The following PRLHR variants were observed in gnomAD, a reference collection of about 807,000 sequenced individuals.
PRLHR encodes the protein prolactin-releasing peptide receptor.
PRLHR carries 10 observed loss-of-function variants against 9.3 expected under a neutral mutation model. That is an observed-to-expected ratio of 1.08 (90% confidence interval 0.66 to 1.82). PRLHR has a LOEUF of 1.82. Among genes scored for constraint, PRLHR ranks in the 40% most tolerant of loss-of-function variants. The probability of loss-of-function intolerance (pLI) is 0.00; values close to 1 mark genes in which losing one functional copy is unlikely to be tolerated. For synonymous variants in PRLHR, 261 were observed against 249.3 expected (o/e 1.05, Z -0.44); for missense variants, 589 against 512.0 (o/e 1.15, Z -1.45).
At position 118,594,991 on chromosome 10, in the gene PRLHR, A is replaced by G; in HGVS notation, c.254T>C (p.Ile85Thr). Residue 85 changes from isoleucine (I) to threonine (T), a missense_variant, in exon 2 of 2, where the codon ATC (isoleucine) becomes ACC (threonine). By Grantham distance (89) the Ile-to-Thr change is moderately conservative. Transcript: ENST00000239032. ...LVGNCLLVLV[I>T]ARVRRLHNVT... ...GTTGTGCAGCCGGCGCACCCGCGCG[A>G]TCACCAGCACCAGCAGGCAGTTGCC... 1 of 1,613,436 alleles carries G rather than the reference A, an allele frequency of 6.2e-7. No individual in the cohort carries two copies. The highest frequency in any genetic ancestry group is 8.5e-7 in the Non-Finnish European group (1 of 1,179,792).
rs541480278 is a variant in PRLHR at position 118,595,583 on chromosome 10, C to T, written c.-74G>A. ...AAGGGGCAGAATTTCTGCTGGCCCT[C>T]GGTAGTCCTCTGCCCACGTCGGTGA... is the stretch of plus-strand genomic sequence containing the variant. On this transcript the variant is annotated 5_prime_UTR_variant, in exon 1 of 2. Transcript: ENST00000239032. 5 of 213,516 alleles carry T rather than the reference C, an allele frequency of 2.3e-5. No homozygotes were observed. Among genetic ancestry groups the T allele is most frequent in the African/African-American group, 6.8e-5 (3 of 43,816 alleles). The allele number at this position is 213,516 out of a possible 1,614,324, so 13.2% of individuals were successfully genotyped here. A position where few individuals can be genotyped will look rare whatever the true frequency, so the allele number is the denominator to read the frequency against.
chr10:118,592,984 GTGATGAT>G lies in PRLHR; in HGVS notation c.*1141_*1147del, dbSNP rs1318967217. The G allele has an allele frequency of 6.6e-6, 1 of 152,186 alleles. No homozygotes were observed. Among genetic ancestry groups the G allele is most frequent in the African/African-American group, 2.4e-5 (1 of 41,436 alleles). 9.4% of individuals were successfully genotyped at this position (152,186 alleles called of 1,614,324 possible). Reference sequence around the variant, plus strand: ...TTTACAGAACTCACAGGAGGTTAAGGTGATGATTATCAGCCTGGTATCATGCTCCACA... The same window carrying G: ...TTTACAGAACTCACAGGAGGTTAAGGTATCAGCCTGGTATCATGCTCCACA... On this transcript the variant is annotated 3_prime_UTR_variant, in exon 2 of 2. Coordinates refer to ENST00000239032, the MANE Select transcript of PRLHR (RefSeq NM_004248.3).
rs1202384060 is a variant in PRLHR at position 118,595,054 on chromosome 10, A to G, written c.191T>C (p.Val64Ala). The change falls in exon 2 of 2, where the codon GTG becomes GCG. Residue 64 changes from valine (V) to alanine (A), a missense_variant. Transcript: ENST00000239032. ...GACCACCACGACGCTGTAGAGCAGC[A>G]CGATCAGCCCCTTCAGCTGATGCAC... The part of the protein sequence containing the change: ...QLVHQLKGLI[V>A]LLYSVVVVVG... 6.2e-7 allele frequency: 1 copy of G among 1,608,220 alleles called. No homozygotes were observed. The highest frequency in any genetic ancestry group is 1.1e-5 in the South Asian group (1 of 90,532).
In PRLHR at chr10:118,594,412, C is replaced by T; in HGVS notation, c.833G>A (p.Cys278Tyr). The T allele has an allele frequency of 1.2e-6, 2 of 1,600,424 alleles. No homozygotes were observed. The highest frequency in any genetic ancestry group is 1.7e-6 in the Non-Finnish European group (2 of 1,179,638). ...WDRARRRRTF[C>Y]LLVVIVVVFA... ...CACCACCACGATCACCACCAGCAAG[C>T]AGAAGGTGCGCCGGCGCCGAGCGCG... Residue 278 changes from cysteine to tyrosine, a missense_variant, in exon 2 of 2, where the codon TGC (cysteine) becomes TAC (tyrosine). Coordinates refer to ENST00000239032, the MANE Select transcript of PRLHR (RefSeq NM_004248.3).
chr10:118,593,681 G>C lies in PRLHR; in HGVS notation c.*451C>G, dbSNP rs147450904. On this transcript the variant is annotated 3_prime_UTR_variant, in exon 2 of 2. Coordinates refer to ENST00000239032, the MANE Select transcript of PRLHR (RefSeq NM_004248.3). Reference sequence around the variant, plus strand: ...TTCAAATGGACTAAGCAATATCATGGTACTCTCAGCTGGGTCCTTTTTCTA... The same window carrying C: ...TTCAAATGGACTAAGCAATATCATGCTACTCTCAGCTGGGTCCTTTTTCTA... 1 of 153,118 alleles carries C rather than the reference G, an allele frequency of 6.5e-6. No homozygotes were observed. The highest frequency in any genetic ancestry group is 1.9e-4 in the East Asian group (1 of 5,208). The allele number at this position is 153,118 out of a possible 1,614,324, so 9.5% of individuals were successfully genotyped here. A position where few individuals can be genotyped will look rare whatever the true frequency, so the allele number is the denominator to read the frequency against.
chr10:118,595,132 G>C lies in PRLHR; in HGVS notation c.113C>G (p.Ser38Trp), dbSNP rs752691503. 3.8e-6 allele frequency: 6 copies of C among 1,599,764 alleles called. No homozygotes were observed. Among genetic ancestry groups the C allele is most frequent in the Non-Finnish European group, 5.1e-6 (6 of 1,175,880 alleles). ...QSAEASAGNG[S>W]VAGADAPAVT... is the part of the protein sequence containing the mutation. ...GGCTGGAGCGTCCGCGCCAGCCACC[G>C]ACCCGTTGCCCGCCGAGGCCTCTGC... The change falls in exon 2 of 2, where the codon TCG becomes TGG. Residue 38 changes from serine (S) to tryptophan (W), a missense_variant. By Grantham distance (177) the Ser-to-Trp change is radical (BLOSUM62 -3). Coordinates refer to ENST00000239032, the MANE Select transcript of PRLHR (RefSeq NM_004248.3).
intron 1 of PRLHR, 69 bp downstream of exon 1, chr10:118,595,447 T>C (rs750102120): frequency 6.6e-5 from 30 of 451,802 alleles, no homozygotes; most frequent in East Asian, 9.8e-5. Context: ...ATACGGTTTA[T>C]TTAAACGCTT....
At position 118,592,152 on chromosome 10, in the gene PRLHR, A is replaced by G. The variant is rs1157280769; in HGVS notation, c.*1980T>C. Reference sequence around the variant, plus strand: ...TTACAAAAAGAAAAAAAAGTTCCCCAGGTGATTCTAGGAGCAGCCAGGGTT... The same window carrying G: ...TTACAAAAAGAAAAAAAAGTTCCCCGGGTGATTCTAGGAGCAGCCAGGGTT... On this transcript the variant is annotated 3_prime_UTR_variant, in exon 2 of 2. Coordinates refer to ENST00000239032, the MANE Select transcript of PRLHR (RefSeq NM_004248.3). The G allele has an allele frequency of 1.3e-5, 2 of 151,136 alleles. No homozygotes were observed. The highest frequency in any genetic ancestry group is 2.1e-4 in the South Asian group (1 of 4,812). The allele number at this position is 151,136 out of a possible 1,614,324, so 9.4% of individuals were successfully genotyped here.
At position 118,593,794 on chromosome 10, in the gene PRLHR, G is replaced by C. The variant is rs1237358549; in HGVS notation, c.*338C>G. ...CATTTCACCAACGAGCAGGAGGAGGGGACGCCAGGAAGGCAATCGTGGTTC... is the reference window on the plus strand; with the variant it reads ...CATTTCACCAACGAGCAGGAGGAGGCGACGCCAGGAAGGCAATCGTGGTTC... On this transcript the variant is annotated 3_prime_UTR_variant, in exon 2 of 2. Coordinates refer to ENST00000239032, the MANE Select transcript of PRLHR (RefSeq NM_004248.3). 1 of 187,538 alleles carries C rather than the reference G, an allele frequency of 5.3e-6. No homozygotes were observed. Among genetic ancestry groups the C allele is most frequent in the Admixed American group, 6.0e-5 (1 of 16,700 alleles). 11.6% of individuals were successfully genotyped at this position (187,538 alleles called of 1,614,324 possible).
rs997802322 is a variant in PRLHR, at chr10:118,592,390, G to A, written c.*1742C>T. ...CCAGTCCTCGGGATGCCTGGGAGAT[G>A]AGCTTATCTGGGGCAGGGGTGGGTT... On this transcript the variant is annotated 3_prime_UTR_variant, in exon 2 of 2. Transcript: ENST00000239032. 1.3e-5 allele frequency: 2 copies of A among 152,260 alleles called. No homozygotes were observed. The highest frequency in any genetic ancestry group is 2.4e-5 in the African/African-American group (1 of 41,456). 9.4% of individuals were successfully genotyped at this position (152,260 alleles called of 1,614,324 possible). A position where few individuals can be genotyped will look rare whatever the true frequency, so the allele number is the denominator to read the frequency against.
chr10:118,594,746 G>A lies in PRLHR; in HGVS notation c.499C>T (p.Leu167=), dbSNP rs1233808221. ...AGGCGCAGCGAGATGCGCCGCCTCA[G>A]CGGGTGCACCAGCACGACGTAGCGG... is the stretch of plus-strand genomic sequence containing the variant. ...VDRYVVLVHP[L]RRRISLRLSA... Residue 167 remains leucine, a synonymous_variant, in exon 2 of 2, where the codon CTG becomes TTG. Transcript: ENST00000239032. The A allele has an allele frequency of 1.2e-6, 2 of 1,607,980 alleles. No individual in the cohort carries two copies. Among genetic ancestry groups the A allele is most frequent in the Non-Finnish European group, 1.7e-6 (2 of 1,178,834 alleles).
chr10:118,593,176 G>A lies in PRLHR; in HGVS notation c.*956C>T, dbSNP rs1589783708. On this transcript the variant is annotated 3_prime_UTR_variant, in exon 2 of 2. Transcript: ENST00000239032. ...AGAATCACTACAGAGCAGGTGCTGA[G>A]CAGTCAGATGACAGCTGTTGATCTG... is the stretch of plus-strand genomic sequence containing the variant. 1 of 152,272 alleles carries A rather than the reference G, an allele frequency of 6.6e-6. No individual in the cohort carries two copies. The highest frequency in any genetic ancestry group is 1.9e-4 in the East Asian group (1 of 5,206). The allele number at this position is 152,272 out of a possible 1,614,324, so 9.4% of individuals were successfully genotyped here.
intron 1 of PRLHR, 119 bp downstream of exon 1, chr10:118,595,397 C>T (rs557015190): frequency 3.1e-6 from 2 of 649,194 alleles, no homozygotes; most frequent in South Asian, 5.0e-5. Flanking sequence ...AAAGTGTTGT[C>T]CTCTCACCTC....
At position 118,591,367 on chromosome 10, in the gene PRLHR, G is replaced by A. The variant is rs1202727063; in HGVS notation, c.*2765C>T. 6.6e-6 allele frequency: 1 copy of A among 152,054 alleles called. No homozygotes were observed. The highest frequency in any genetic ancestry group is 1.5e-5 in the Non-Finnish European group (1 of 68,022). The allele number at this position is 152,054 out of a possible 1,614,324, so 9.4% of individuals were successfully genotyped here. On this transcript the variant is annotated 3_prime_UTR_variant, in exon 2 of 2. Transcript: ENST00000239032. ...TCCCTCTTCGGTCTCCCAAAGTTTT[G>A]GAATTATAGATGTGAGCCATGGTAC...
rs1448556942 is a variant in PRLHR, at chr10:118,594,888, G to A, written c.357C>T (p.Ala119=). ...MCTACVPLTL[A]YAFEPRGWVF... ...CCCAGCCGCGTGGCTCGAAGGCATA[G>A]GCCAGCGTGAGCGGCACGCAGGCGG... The change falls in exon 2 of 2, where the codon GCC becomes GCT. Residue 119 remains alanine, a synonymous_variant. Transcript: ENST00000239032. 2 of 1,613,440 alleles carry A rather than the reference G, an allele frequency of 1.2e-6. No homozygotes were observed. Among genetic ancestry groups the A allele is most frequent in the Non-Finnish European group, 1.7e-6 (2 of 1,179,882 alleles).
Position 118,590,701 on chromosome 10 carries a change from A to G in PRLHR, c.*3431T>C, listed in dbSNP as rs190571532. 6.6e-6 allele frequency: 1 copy of G among 152,216 alleles called. No homozygotes were observed. Among genetic ancestry groups the G allele is most frequent in the South Asian group, 2.1e-4 (1 of 4,824 alleles). The allele number at this position is 152,216 out of a possible 1,614,324, so 9.4% of individuals were successfully genotyped here. A position where few individuals can be genotyped will look rare whatever the true frequency, so the allele number is the denominator to read the frequency against. Reference sequence around the variant, plus strand: ...ATTAACCAAAATGAATTATTAAATAAAATTTTCTACCTACAGTCCTACGCA... The same window carrying G: ...ATTAACCAAAATGAATTATTAAATAGAATTTTCTACCTACAGTCCTACGCA... On this transcript the variant is annotated 3_prime_UTR_variant, in exon 2 of 2. Transcript: ENST00000239032.
rs1165529272 is a variant in PRLHR, at chr10:118,593,971, G to A, written c.*161C>T. 3.4e-5 allele frequency: 41 copies of A among 1,221,472 alleles called. No homozygotes were observed. Among genetic ancestry groups the A allele is most frequent in the South Asian group, 5.3e-5 (2 of 37,608 alleles). The allele number at this position is 1,221,472 out of a possible 1,614,324, so 75.7% of individuals were successfully genotyped here. ...CGCTTAACATTTTACAAACACACAA[G>A]GACAAGACAGACAGCCGGACAAGAG... On this transcript the variant is annotated 3_prime_UTR_variant, in exon 2 of 2. Transcript: ENST00000239032.
chr10:118,595,312 C>T, intron 1 of PRLHR, 62 bp from the exon 2 acceptor site: 6 of 1,414,846 alleles, frequency 4.2e-6, no homozygotes, highest in Non-Finnish European at 5.7e-6. Context: ...CCTCCTACAC[C>T]AGCCGCGCCC....
At position 118,593,960 on chromosome 10, in the gene PRLHR, C is replaced by T. The variant is rs1844454986; in HGVS notation, c.*172G>A. The T allele has an allele frequency of 1.8e-6, 2 of 1,125,514 alleles. No homozygotes were observed. Among genetic ancestry groups the T allele is most frequent in the Non-Finnish European group, 1.1e-6 (1 of 873,850 alleles). The allele number at this position is 1,125,514 out of a possible 1,614,324, so 69.7% of individuals were successfully genotyped here. On this transcript the variant is annotated 3_prime_UTR_variant, in exon 2 of 2. Transcript: ENST00000239032. The stretch of plus-strand genomic sequence containing the variant: ...TCACCAAAGCCCGCTTAACATTTTA[C>T]AAACACACAAGGACAAGACAGACAG...
Sources: gnomAD v4.1 joint callset for allele counts on GRCh38, gnomAD v4.1.1 for gene constraint, MANE v1.5 for transcripts, NCBI Gene and HGNC (gene_info 2026-07-23, HGNC 2026-07-21) for gene names.